Variants in PHACTR1 observed in about 807,000 individuals in gnomAD.
PHACTR1 encodes RPEL repeat containing 1.
PHACTR1 carries 16 observed loss-of-function variants against 69.2 expected under a neutral mutation model. The ratio of observed to expected loss-of-function variants is 0.23; its 90% CI spans 0.16 to 0.35. PHACTR1 has a LOEUF of 0.35. PHACTR1 is among the 10% of genes least tolerant of loss of function. The pLI is 1.00. For missense variants in PHACTR1, 510 were observed against 734.7 expected (o/e 0.69, Z 3.54); for synonymous variants, 312 against 284.5 (o/e 1.10, Z -0.97).
intron 4 of PHACTR1, among the ~76,000 whole-genome samples, chr6:12,925,425 G>A (rs534113585): frequency 6.6e-6 from 1 of 152,312 alleles, no homozygotes; most frequent in Admixed American, 6.5e-5. Flanking sequence ...CACACAAAAA[G>A]TTGGATAAAA....
chr6:12,884,908 G>A (rs952781485), intron 4 of PHACTR1, among the ~76,000 whole-genome samples: 9 of 152,128 alleles, frequency 5.9e-5, no homozygotes, highest in African/African-American at 2.2e-4. Context: ...ACACTTACAA[G>A]ATGGCTTACT....
At chr6:12,805,638 T>C (rs562394549) in intron 4 of PHACTR1, among the ~76,000 whole-genome samples, 34 of 151,910 alleles carry the variant, frequency 2.2e-4, no homozygotes, top group African/African-American at 7.5e-4. Context: ...TCTTGCTCTG[T>C]TGCCCAGGCT....
chr6:12,785,759 G>T (rs965286478), intron 4 of PHACTR1, among the ~76,000 whole-genome samples: 2 of 152,098 alleles, frequency 1.3e-5, no homozygotes, highest in African/African-American at 2.4e-5. Context: ...TGCTAATATG[G>T]CTTATTCATT....
chr6:12,878,404 A>G (rs779669369), intron 4 of PHACTR1, among the ~76,000 whole-genome samples: 15 of 152,130 alleles, frequency 9.9e-5, no homozygotes, highest in Non-Finnish European at 2.1e-4. Flanking sequence ...ATCTAATTCA[A>G]CTCCTGTACT....
chr6:13,085,032 G>A (rs1300876094), intron 5 of PHACTR1, among the ~76,000 whole-genome samples: 7 of 152,060 alleles, frequency 4.6e-5, no homozygotes, highest in Non-Finnish European at 1.5e-5. Flanking sequence ...ATACATGTAA[G>A]TATTCAATAT....
At chr6:12,734,003 T>C (rs1164542066) in intron 3 of PHACTR1, among the ~76,000 whole-genome samples, 1 of 152,162 alleles carries the variant, frequency 6.6e-6, no homozygotes, top group Non-Finnish European at 1.5e-5. Flanking sequence ...CAGTTCAACA[T>C]ACAAAGCCTG....
chr6:12,919,403 A>G (rs1787393173), intron 4 of PHACTR1, among the ~76,000 whole-genome samples: 1 of 152,152 alleles, frequency 6.6e-6, no homozygotes, highest in Non-Finnish European at 1.5e-5. Flanking sequence ...GGCCTCCCAA[A>G]GTGCTGGGAG....
chr6:12,930,045 C>CTT (rs61075165), intron 4 of PHACTR1, among the ~76,000 whole-genome samples: 3 of 141,962 alleles, frequency 2.1e-5, no homozygotes, highest in Non-Finnish European at 3.1e-5. Flanking sequence ...ACAGAAAGAA[C>CTT]TTTTTTTTTT....
chr6:13,068,858 G>A (rs9463422), intron 5 of PHACTR1, among the ~76,000 whole-genome samples: 1,950 of 152,240 alleles, frequency 0.013, 43 homozygotes, highest in African/African-American at 0.044. Flanking sequence ...AGAAATTGGT[G>A]GCAAGTCAGA....
intron 7 of PHACTR1, among the ~76,000 whole-genome samples, chr6:13,198,125 A>T (rs1764689242): frequency 6.6e-6 from 1 of 152,244 alleles, no homozygotes; most frequent in Non-Finnish European, 1.5e-5. Context: ...ACAAACGTTT[A>T]TTGGGTATCT....
rs529204324 is a variant in PHACTR1, at chr6:13,134,439, C to T, written c.416-25765C>T. Among the ~76,000 whole-genome samples the T allele has an allele frequency of 5.8e-4, 88 of 152,296 alleles. 1 individual carries two copies. Among genetic ancestry groups the T allele is most frequent in the Non-Finnish European group, 1.2e-3 (79 of 67,998 alleles). On this transcript the variant is annotated intron_variant, in intron 5 of 14. Transcript: ENST00000332995. ...TAGACATGGGAGACTCCATTTTGTT[C>T]TGTACTAAGAAAAATTCTTCTGCCT... is the stretch of plus-strand genomic sequence containing the variant.
At chr6:13,250,582 G>A (rs1022612008) in intron 10 of PHACTR1, among the ~76,000 whole-genome samples, 1 of 152,250 alleles carries the variant, frequency 6.6e-6, no homozygotes, top group African/African-American at 2.4e-5. Flanking sequence ...GAAGGAATCT[G>A]TGTAAGCAGA....
At chr6:12,982,779 G>C (rs1795678266) in intron 4 of PHACTR1, among the ~76,000 whole-genome samples, 1 of 152,174 alleles carries the variant, frequency 6.6e-6, no homozygotes, top group South Asian at 2.1e-4. Flanking sequence ...CCAAACTCCT[G>C]TTTCTATCAC....
chr6:13,018,850 C>G (rs1001014097), intron 4 of PHACTR1, among the ~76,000 whole-genome samples: 1 of 151,900 alleles, frequency 6.6e-6, no homozygotes, highest in African/African-American at 2.4e-5. Flanking sequence ...GGCGATGTGA[C>G]CAACTCATCT....
At chr6:12,744,219 T>C (rs192493086) in intron 3 of PHACTR1, among the ~76,000 whole-genome samples, 4 of 152,358 alleles carry the variant, frequency 2.6e-5, no homozygotes, top group East Asian at 3.9e-4. Flanking sequence ...TCAAATTTGC[T>C]TCCTTAAAGG....
Position 13,205,909 on chromosome 6 carries a change from G to T in PHACTR1, c.759G>T (p.Gly253=). The T allele has an allele frequency of 1.9e-6, 3 of 1,613,804 alleles. No homozygotes were observed. The highest frequency in any genetic ancestry group is 2.5e-6 in the Non-Finnish European group (3 of 1,179,730). Residue 253 remains glycine (G), a synonymous_variant, in exon 8 of 15, where the codon GGG becomes GGT. Coordinates refer to ENST00000332995, the MANE Select transcript of PHACTR1 (RefSeq NM_030948.6). ...TCATGATCTGTATGCCCGTGGGGGG[G>T]CCAGACCTCTCACTGGTGTCCTACA... ...KKVMICMPVG[G]PDLSLVSYTA... is the part of the protein sequence containing the mutation.
intron 4 of PHACTR1, among the ~76,000 whole-genome samples, chr6:12,910,380 T>G (rs1430614343): frequency 2.6e-5 from 4 of 152,170 alleles, no homozygotes; most frequent in African/African-American, 9.7e-5. Context: ...AGCATAATCG[T>G]AGGAGGATAC....
chr6:12,899,376 T>C (rs932993905), intron 4 of PHACTR1, among the ~76,000 whole-genome samples: 2 of 152,210 alleles, frequency 1.3e-5, no homozygotes, highest in Non-Finnish European at 2.9e-5. Context: ...CAGAGAAAGA[T>C]GATATATCAG....
intron 4 of PHACTR1, among the ~76,000 whole-genome samples, chr6:12,839,264 A>G (rs1778459103): frequency 6.6e-6 from 1 of 152,186 alleles, no homozygotes; most frequent in Non-Finnish European, 1.5e-5. Flanking sequence ...ACAGGACTGC[A>G]TGTTGAAGAT....
Sources: allele counts gnomAD v4.1 joint callset (sites outside exome capture counted in the v4.1 genomes callset), GRCh38; gene constraint gnomAD v4.1.1; transcripts MANE v1.5; gene names NCBI Gene and HGNC (gene_info 2026-07-23, HGNC 2026-07-21).